The following WFDC8 variants were observed in gnomAD, a reference collection of about 807,000 sequenced individuals.
The protein encoded by WFDC8 is WAP four-disulfide core domain protein 8.
A neutral mutation model predicts 27.0 loss-of-function variants in WFDC8; 24 were observed. The ratio of observed to expected loss-of-function variants is 0.89; its 90% CI spans 0.64 to 1.25. WFDC8 has a LOEUF of 1.25. WFDC8 is among the 50% of genes most tolerant of loss of function. WFDC8 has a pLI of 0.00. For synonymous variants in WFDC8, 106 were observed against 99.7 expected (o/e 1.06, Z -0.38); for missense variants, 287 against 295.9 (o/e 0.97, Z 0.22).
chr20:45,577,063 C>T (rs1367985623), intron 1 of WFDC8, among the ~76,000 whole-genome samples: 4 of 151,284 alleles, frequency 2.6e-5, no homozygotes, highest in African/African-American at 9.7e-5. Context: ...TGCAGAATGG[C>T]AAAAAATTTG....
chr20:45,578,398 A>C (rs1474905355), intron 1 of WFDC8, among the ~76,000 whole-genome samples: 1 of 151,414 alleles, frequency 6.6e-6, no homozygotes, highest in Non-Finnish European at 1.5e-5. Flanking sequence ...AAGACTTCCT[A>C]GGCAAATTGT....
intron 1 of WFDC8, among the ~76,000 whole-genome samples, chr20:45,565,588 A>AAAGGAACAAGGAACAAAGGAACAAGG (rs1980649202): frequency 6.6e-6 from 1 of 152,172 alleles, no homozygotes; most frequent in Non-Finnish European, 1.5e-5. Context: ...TCTGAATTCC[A>AAAGGAACAAGGAACAAAGGAACAAGG]AACAAAGGAA....
At chr20:45,572,365 C>T (rs1409276699) in intron 1 of WFDC8, among the ~76,000 whole-genome samples, 1 of 146,898 alleles carries the variant, frequency 6.8e-6, no homozygotes, top group Admixed American at 7.1e-5. Context: ...CCACTGCACT[C>T]CAGCCTGGGC....
chr20:45,577,481 C>T lies in WFDC8; in HGVS notation c.26+1741G>A, dbSNP rs1308673623. Reference sequence around the variant, plus strand: ...TAGTGCGATCTCGGCTCGCTGCAACCTCCGCCTTCTGGGTTCAAGTGATTC... The same window carrying T: ...TAGTGCGATCTCGGCTCGCTGCAACTTCCGCCTTCTGGGTTCAAGTGATTC... On this transcript the variant is annotated intron_variant, in intron 1 of 5. Coordinates refer to ENST00000289953, the MANE Select transcript of WFDC8 (RefSeq NM_130896.3). Among the ~76,000 whole-genome samples the T allele has an allele frequency of 1.3e-5, 2 of 150,124 alleles. 1 individual carries two copies. Among genetic ancestry groups the T allele is most frequent in the Non-Finnish European group, 3.0e-5 (2 of 67,230 alleles).
intron 1 of WFDC8, 73 bp from the exon 2 acceptor site, chr20:45,562,292 T>G: frequency 8.0e-7 from 1 of 1,246,034 alleles, no homozygotes; most frequent in Non-Finnish European, 1.2e-6. Flanking sequence ...CAGGGGAACC[T>G]TAGAGATGAT....
chr20:45,574,613 G>A (rs1980982350), intron 1 of WFDC8, among the ~76,000 whole-genome samples: 1 of 152,090 alleles, frequency 6.6e-6, no homozygotes. Context: ...TGGCCAACAG[G>A]GCAAAACCCT....
At chr20:45,577,146 CTA>C (rs1491206254) in intron 1 of WFDC8, among the ~76,000 whole-genome samples, 1 of 151,416 alleles carries the variant, frequency 6.6e-6, no homozygotes, top group African/African-American at 2.4e-5. Context: ...TCTTCTACTA[CTA>C]TAAACAAGCT....
intron 1 of WFDC8, among the ~76,000 whole-genome samples, chr20:45,569,759 A>T (rs1467444324): frequency 6.6e-6 from 1 of 152,186 alleles, no homozygotes; most frequent in Non-Finnish European, 1.5e-5. Flanking sequence ...TTTCCCCTTC[A>T]CAATAGCAAA....
At chr20:45,565,070 G>A in intron 1 of WFDC8, among the ~76,000 whole-genome samples, 1 of 146,482 alleles carries the variant, frequency 6.8e-6, no homozygotes, top group South Asian at 2.3e-4. Context: ...GAGAGGGAGG[G>A]AAAGGAAGAA....
At chr20:45,568,468 T>C in intron 1 of WFDC8, 1 of 305,414 alleles carries the variant, frequency 3.3e-6, no homozygotes, top group Non-Finnish European at 6.7e-6. Flanking sequence ...TCCATCTGTT[T>C]CATATGGCCT....
At chr20:45,555,491 T>C (rs187163741) in intron 4 of WFDC8, among the ~76,000 whole-genome samples, 2 of 152,302 alleles carry the variant, frequency 1.3e-5, no homozygotes, top group East Asian at 1.9e-4. Flanking sequence ...AGCCACTCCA[T>C]TAGGTAAATA....
intron 1 of WFDC8, among the ~76,000 whole-genome samples, chr20:45,577,955 C>T (rs1009615444): frequency 2.5e-4 from 37 of 149,412 alleles, no homozygotes; most frequent in Middle Eastern, 3.5e-3. Flanking sequence ...TGCAGAGAGC[C>T]GAGATCACAC....
chr20:45,565,333 GT>G (rs1275199404), intron 1 of WFDC8, among the ~76,000 whole-genome samples: 1 of 152,140 alleles, frequency 6.6e-6, no homozygotes, highest in Non-Finnish European at 1.5e-5. Context: ...TCAGGCTGGG[GT>G]ACCCATATCC....
At chr20:45,575,548 A>G (rs1200603097) in intron 1 of WFDC8, among the ~76,000 whole-genome samples, 1 of 151,422 alleles carries the variant, frequency 6.6e-6, no homozygotes, top group Non-Finnish European at 1.5e-5. Flanking sequence ...TCATATTCAT[A>G]TTTCATATGG....
chr20:45,572,905 C>T (rs535113340), intron 1 of WFDC8, among the ~76,000 whole-genome samples: 1 of 152,338 alleles, frequency 6.6e-6, no homozygotes, highest in South Asian at 2.1e-4. Flanking sequence ...CCGCGCCCAG[C>T]CTTTGTATGC....
chr20:45,564,971 A>AACAAAGAAAAAGAAAGAG (rs1555798533), intron 1 of WFDC8, among the ~76,000 whole-genome samples: 4 of 146,416 alleles, frequency 2.7e-5, no homozygotes, highest in African/African-American at 1.0e-4. Context: ...GAAGGAAAGA[A>AACAAAGAAAAAGAAAGAG]AGACAAAGAA....
At chr20:45,551,196 C>G (rs1980021205), downstream of WFDC8, 1 of 151,980 alleles carries the variant, frequency 6.6e-6, no homozygotes, top group African/African-American at 2.4e-5. Context: ...AAGGATGGCT[C>G]AAGAAAATTT....
At chr20:45,556,488 C>G (rs6032312) in intron 3 of WFDC8, among the ~76,000 whole-genome samples, 57,877 of 151,402 alleles carry the variant, frequency 0.38, 11,643 homozygotes, top group Non-Finnish European at 0.43. Flanking sequence ...AAGAAATATA[C>G]AGTGCAGTGG....
At chr20:45,565,192 G>T (rs906134097) in intron 1 of WFDC8, among the ~76,000 whole-genome samples, 1 of 152,144 alleles carries the variant, frequency 6.6e-6, no homozygotes, top group Non-Finnish European at 1.5e-5. Context: ...AAGAGATTTT[G>T]ATTGAAATCC....
Sources: allele counts gnomAD v4.1 joint callset (sites outside exome capture counted in the v4.1 genomes callset), GRCh38; gene constraint gnomAD v4.1.1; transcripts MANE v1.5; gene names NCBI Gene and HGNC (gene_info 2026-07-23, HGNC 2026-07-21).